Variants in AGBL1 observed in about 807,000 individuals in gnomAD.
The protein encoded by AGBL1 is AGBL carboxypeptidase 1, also known as cytosolic carboxypeptidase 4.
AGBL1 carries 130 observed loss-of-function variants against 118.9 expected under a neutral mutation model. The observed-to-expected ratio is 1.09, with a 90% confidence interval of 0.95 to 1.26. The LOEUF is 1.26. Among genes scored for constraint, AGBL1 ranks in the 50% most tolerant of loss-of-function variants. AGBL1 has a pLI of 0.00. For missense variants in AGBL1, 1,584 were observed against 1,298.1 expected (o/e 1.22, Z -3.38); for synonymous variants, 555 against 478.9 (o/e 1.16, Z -2.08).
chr15:86,240,422 C>T (rs2078623026), intron 6 of AGBL1, among the ~76,000 whole-genome samples: 1 of 152,196 alleles, frequency 6.6e-6, no homozygotes, highest in Admixed American at 6.5e-5. Context: ...GTATCGTATA[C>T]TGTAGTTAGG....
intron 22 of AGBL1, among the ~76,000 whole-genome samples, chr15:86,738,487 T>A (rs2077632819): frequency 6.6e-6 from 1 of 152,138 alleles, no homozygotes; most frequent in South Asian, 2.1e-4. Context: ...AACTTAAAGA[T>A]GCCACCAAAA....
At chr15:86,154,683 C>A in intron 4 of AGBL1, 122 bp downstream of exon 4, 2 of 1,222,872 alleles carry the variant, frequency 1.6e-6, no homozygotes, top group South Asian at 3.7e-5. Context: ...GTGGTCCCAG[C>A]CAGATAAATA....
chr15:86,858,013 C>A (rs1011019112), intron 22 of AGBL1, among the ~76,000 whole-genome samples: 3 of 152,118 alleles, frequency 2.0e-5, no homozygotes, highest in Non-Finnish European at 4.4e-5. Context: ...CCAGAATAGT[C>A]TTTCTAGTTT....
chr15:86,714,408 G>A (rs1276402997), intron 22 of AGBL1, among the ~76,000 whole-genome samples: 1 of 152,180 alleles, frequency 6.6e-6, no homozygotes, highest in African/African-American at 2.4e-5. Context: ...ACTATCAGTG[G>A]GAAATTAGCC....
chr15:86,517,942 C>T (rs567002037), intron 18 of AGBL1, among the ~76,000 whole-genome samples: 47 of 152,170 alleles, frequency 3.1e-4, no homozygotes, highest in Non-Finnish European at 6.3e-4. Context: ...CTCCTGCACC[C>T]TTCCTGCCTT....
intron 21 of AGBL1, among the ~76,000 whole-genome samples, chr15:86,673,416 A>G (rs559169622): frequency 6.6e-6 from 1 of 152,170 alleles, no homozygotes; most frequent in Non-Finnish European, 1.5e-5. Context: ...GCTCACCACA[A>G]TGGAGTCTCT....
intron 22 of AGBL1, among the ~76,000 whole-genome samples, chr15:86,805,883 T>C (rs931709625): frequency 5.9e-5 from 9 of 152,076 alleles, no homozygotes; most frequent in South Asian, 2.1e-4. Context: ...ACAGACCCAA[T>C]AGAAGCAGGG....
Position 86,726,763 on chromosome 15 carries a change from A to C in AGBL1, c.3158+52327A>C, listed in dbSNP as rs116501218. On this transcript the variant is annotated intron_variant, in intron 22 of 22. Coordinates refer to ENST00000614907, the MANE Select transcript of AGBL1 (RefSeq NM_001386094.1). Reference sequence around the variant, plus strand: ...TTTATTCTGTTCTCACTATGTTGCTAAGGCTGGTCTCAAACTCATGGGCTC... The same window carrying C: ...TTTATTCTGTTCTCACTATGTTGCTCAGGCTGGTCTCAAACTCATGGGCTC... 6.0e-3 allele frequency among the ~76,000 whole-genome samples: 920 copies of C among 152,100 alleles called. 11 individuals are homozygous for C. Among genetic ancestry groups the C allele is most frequent in the African/African-American group, 0.021 (873 of 41,482 alleles).
Position 86,865,954 on chromosome 15 carries a change from C to T in AGBL1, c.3159-41133C>T, listed in dbSNP as rs115500174. Among the ~76,000 whole-genome samples the T allele has an allele frequency of 4.5e-3, 682 of 152,290 alleles. 7 individuals carry two copies. Among genetic ancestry groups the T allele is most frequent in the African/African-American group, 0.016 (647 of 41,552 alleles). ...TCTAGGTCTGGCATATAACCAAGTGCTTGGTATCTTTTAGCTGTTATCATT... is the reference window on the plus strand; with the variant it reads ...TCTAGGTCTGGCATATAACCAAGTGTTTGGTATCTTTTAGCTGTTATCATT... On this transcript the variant is annotated intron_variant, in intron 22 of 22. Coordinates refer to ENST00000614907, the MANE Select transcript of AGBL1 (RefSeq NM_001386094.1).
At chr15:86,438,657 CTTT>C (rs35937855) in intron 18 of AGBL1, among the ~76,000 whole-genome samples, 43,292 of 131,006 alleles carry the variant, frequency 0.33, 4,855 homozygotes, top group East Asian at 0.57. Context: ...TAATCTGTCT[CTTT>C]TTTTTTTTTT....
chr15:86,696,418 G>A (rs376763955), intron 22 of AGBL1, among the ~76,000 whole-genome samples: 2 of 151,396 alleles, frequency 1.3e-5, no homozygotes, highest in African/African-American at 4.8e-5. Flanking sequence ...TGCTTTTGGT[G>A]TCCTTTTGCA....
At chr15:86,833,589 C>G (rs996617032) in intron 22 of AGBL1, among the ~76,000 whole-genome samples, 49 of 152,110 alleles carry the variant, frequency 3.2e-4, no homozygotes, top group African/African-American at 1.1e-3. Context: ...CTTTTCTTCC[C>G]AGTTTCAGGT....
At chr15:86,520,238 A>C (rs963630782) in intron 18 of AGBL1, among the ~76,000 whole-genome samples, 1 of 152,240 alleles carries the variant, frequency 6.6e-6, no homozygotes, top group Non-Finnish European at 1.5e-5. Flanking sequence ...AGATGTGGAT[A>C]TAGTCATGCA....
intron 22 of AGBL1, among the ~76,000 whole-genome samples, chr15:86,846,954 G>A (rs996318967): frequency 6.6e-6 from 1 of 151,882 alleles, no homozygotes; most frequent in African/African-American, 2.4e-5. Context: ...TTTTTTATCT[G>A]TTATTACTTT....
intron 19 of AGBL1, among the ~76,000 whole-genome samples, chr15:86,538,492 C>G (rs1004861874): frequency 1.3e-5 from 2 of 152,156 alleles, no homozygotes; most frequent in Non-Finnish European, 2.9e-5. Flanking sequence ...ATATCATTTC[C>G]CTCAAAGAGA....
At chr15:86,904,723 C>T (rs1160906628) in intron 22 of AGBL1, among the ~76,000 whole-genome samples, 4 of 149,812 alleles carry the variant, frequency 2.7e-5, no homozygotes. Context: ...TTATAAAACA[C>T]TAAAATTCAC....
chr15:86,598,656 A>G (rs1268837486), intron 21 of AGBL1, among the ~76,000 whole-genome samples: 1 of 152,104 alleles, frequency 6.6e-6, no homozygotes, highest in Non-Finnish European at 1.5e-5. Context: ...TTACTTCTGT[A>G]TGTATGCTTC....
intron 21 of AGBL1, among the ~76,000 whole-genome samples, chr15:86,673,678 T>C (rs1420993395): frequency 1.3e-5 from 2 of 152,192 alleles, no homozygotes; most frequent in African/African-American, 4.8e-5. Flanking sequence ...GTTTGGTCAA[T>C]TGTTATTATT....
chr15:86,669,201 CAG>C (rs1440364203), intron 21 of AGBL1, among the ~76,000 whole-genome samples: 3 of 152,064 alleles, frequency 2.0e-5, no homozygotes, highest in Non-Finnish European at 1.5e-5. Context: ...GTACGATGCC[CAG>C]AAACACTGCA....
Sources: gnomAD v4.1 joint callset for allele counts (sites outside exome capture counted in the v4.1 genomes callset) on GRCh38, gnomAD v4.1.1 for gene constraint, MANE v1.5 for transcripts, NCBI Gene and HGNC (gene_info 2026-07-23, HGNC 2026-07-21) for gene names.